Variants in ZC3H14 observed in about 807,000 individuals in gnomAD.
ZC3H14 encodes the protein zinc finger CCCH-type containing 14, also known as zinc finger CCCH domain-containing protein 14.
ZC3H14 carries 31 observed loss-of-function variants against 92.4 expected under a neutral mutation model. The observed-to-expected ratio is 0.34, with a 90% CI of 0.25 to 0.45. ZC3H14 has a LOEUF of 0.45. Among genes scored for constraint, ZC3H14 ranks in the 20% least tolerant of loss-of-function variants. The pLI is 1.00. For synonymous variants in ZC3H14, 321 were observed against 300.9 expected (o/e 1.07, Z -0.69); for missense variants, 781 against 897.3 (o/e 0.87, Z 1.66).
chr14:88,600,977 GTCTC>G (rs1407649137), intron 10 of ZC3H14, among the ~76,000 whole-genome samples: 16 of 152,072 alleles, frequency 1.1e-4, no homozygotes, highest in Admixed American at 9.8e-4. Flanking sequence ...GTTTCTCCGA[GTCTC>G]TCTCCTTGTT....
rs2088035593 is a variant in ZC3H14 at position 88,618,087 on chromosome 14, A to G, written c.*6336A>G. On this transcript the variant is annotated 3_prime_UTR_variant, in exon 17 of 17. Coordinates refer to ENST00000251038, the MANE Select transcript of ZC3H14 (RefSeq NM_024824.5). The stretch of plus-strand genomic sequence containing the variant: ...TCAATAAAAAGGGGTCCCAACATGA[A>G]CATACCATTTCAAAATATGGTAACA... 5.2e-6 allele frequency: 3 copies of G among 578,848 alleles called. No homozygotes were observed. Among genetic ancestry groups the G allele is most frequent in the Admixed American group, 2.8e-5 (1 of 35,778 alleles). The allele number at this position is 578,848 out of a possible 1,614,324, so 35.9% of individuals were successfully genotyped here.
intron 9 of ZC3H14, chr14:88,592,415 C>T (rs1026611232): frequency 3.3e-5 from 5 of 151,592 alleles, no homozygotes; most frequent in African/African-American, 1.2e-4. Context: ...CAAATTCCAG[C>T]ACTTAGCATT....
intron 9 of ZC3H14, among the ~76,000 whole-genome samples, chr14:88,587,509 T>G (rs2082601318): frequency 6.6e-6 from 1 of 152,094 alleles, no homozygotes; most frequent in Admixed American, 6.6e-5. Context: ...CCACCTACAT[T>G]CTGTCCTGCC....
chr14:88,574,824 T>C lies in ZC3H14; in HGVS notation c.993T>C (p.Ser331=). The C allele has an allele frequency of 6.2e-7, 1 of 1,614,230 alleles. No individual in the cohort carries two copies. ...CTCGAACAGGAAGCATCTCCAGCAG[T>C]GTGTCTGTGCCTGCAAAGCCTGAAA... is the stretch of plus-strand genomic sequence containing the variant. The part of the protein sequence containing the change: ...YGSRTGSISS[S]VSVPAKPERR... Residue 331 remains serine (S), a synonymous_variant, in exon 7 of 17, where the codon AGT becomes AGC. Transcript: ENST00000251038.
rs537364100 is a variant in ZC3H14 at position 88,597,996 on chromosome 14, C to T, written c.1354+1188C>T. ...ATTCTATTAATTTTCTAAAAACATACTGATTTTGTGTACACAATACTCTTT... is the reference window on the plus strand; with the variant it reads ...ATTCTATTAATTTTCTAAAAACATATTGATTTTGTGTACACAATACTCTTT... On this transcript the variant is annotated intron_variant, in intron 10 of 16. Coordinates refer to ENST00000251038, the MANE Select transcript of ZC3H14 (RefSeq NM_024824.5). Among the ~76,000 whole-genome samples, 132 of 152,154 alleles carry T rather than the reference C, an allele frequency of 8.7e-4. 3 individuals are homozygous for T. In the Middle Eastern group the frequency reaches 0.02, roughly 24 times the overall value.
chr14:88,566,017 G>GC, intron 2 of ZC3H14, among the ~76,000 whole-genome samples: 2 of 13,396 alleles, frequency 1.5e-4, no homozygotes, highest in Non-Finnish European at 1.8e-4. Flanking sequence ...ACAGGCACCT[G>GC]CCACCACCCC....
intron 8 of ZC3H14, 36 bp from the exon 9 acceptor site, chr14:88,577,949 A>C (rs571014410): frequency 7.4e-6 from 12 of 1,613,234 alleles, no homozygotes; most frequent in Non-Finnish European, 1.0e-5. Flanking sequence ...GTATTACTGC[A>C]TTTGTATTTC....
At chr14:88,574,338 C>T (rs1404934802) in intron 6 of ZC3H14, 12 of 285,112 alleles carry the variant, frequency 4.2e-5, no homozygotes, top group Non-Finnish European at 7.4e-5. Flanking sequence ...CTCCACCTCC[C>T]GGGTTCAAGT....
chr14:88,583,455 AT>A (rs1026001277), intron 9 of ZC3H14, among the ~76,000 whole-genome samples: 8 of 152,094 alleles, frequency 5.3e-5, no homozygotes, highest in Non-Finnish European at 1.0e-4. Context: ...TATTTTAAAA[AT>A]TATTTACCTC....
intron 1 of ZC3H14, chr14:88,563,435 G>A: frequency 2.1e-6 from 3 of 1,433,078 alleles, no homozygotes; most frequent in Non-Finnish European, 2.7e-6. Flanking sequence ...GCACGGCGCC[G>A]CTTTGGATCC....
At position 88,622,913 on chromosome 14, in the gene ZC3H14, G is replaced by T; in HGVS notation, c.*11162G>T. 1.2e-5 allele frequency: 5 copies of T among 406,978 alleles called. No homozygotes were observed. Among genetic ancestry groups the T allele is most frequent in the South Asian group, 8.1e-5 (1 of 12,304 alleles). 25.2% of individuals were successfully genotyped at this position (406,978 alleles called of 1,614,324 possible). A position where few individuals can be genotyped will look rare whatever the true frequency, so the allele number is the denominator to read the frequency against. On this transcript the variant is annotated 3_prime_UTR_variant, in exon 17 of 17. Coordinates refer to ENST00000251038, the MANE Select transcript of ZC3H14 (RefSeq NM_024824.5). ...ATATCTCAGTCAAAATAAACATCCAGTTTCAGTGAATTTTATTTTGAGAAA... is the reference window on the plus strand; with the variant it reads ...ATATCTCAGTCAAAATAAACATCCATTTTCAGTGAATTTTATTTTGAGAAA...
intron 8 of ZC3H14, 52 bp downstream of exon 8, chr14:88,575,992 G>T: frequency 6.8e-7 from 1 of 1,460,534 alleles, no homozygotes; most frequent in South Asian, 1.1e-5. Context: ...TGTAATTCTT[G>T]AGTAAGGTGA....
chr14:88,622,804 T>TA lies in ZC3H14; in HGVS notation c.*11053_*11054insA. On this transcript the variant is annotated 3_prime_UTR_variant, in exon 17 of 17. Transcript: ENST00000251038. Reference sequence around the variant, plus strand: ...AACAAATACCAAGTTATAAGCAGAATCTTTTTTTTTTAAAAAGGCCCTGAT... The same window carrying TA: ...AACAAATACCAAGTTATAAGCAGAATACTTTTTTTTTTAAAAAGGCCCTGAT... 4.3e-6 allele frequency: 3 copies of TA among 691,048 alleles called. No homozygotes were observed. The highest frequency in any genetic ancestry group is 6.0e-6 in the Non-Finnish European group (3 of 503,906). 42.8% of individuals were successfully genotyped at this position (691,048 alleles called of 1,614,324 possible).
Position 88,616,359 on chromosome 14 carries a change from G to A in ZC3H14, c.*4608G>A, listed in dbSNP as rs554135365. ...GTGGAGAGAGTAGGGAGTTAGCACC[G>A]CAGCCAGTGATTAGAATGCTTTTCA... is the stretch of plus-strand genomic sequence containing the variant. On this transcript the variant is annotated 3_prime_UTR_variant, in exon 17 of 17. Transcript: ENST00000251038. 49 of 974,778 alleles carry A rather than the reference G, an allele frequency of 5.0e-5. No individual in the cohort carries two copies. In the Admixed American group the frequency reaches 5.9e-4, roughly 12 times the overall value. 60.4% of individuals were successfully genotyped at this position (974,778 alleles called of 1,614,324 possible).
At chr14:88,594,682 G>A in intron 9 of ZC3H14, 1 of 1,612,840 alleles carries the variant, frequency 6.2e-7, no homozygotes, top group Non-Finnish European at 8.5e-7. Flanking sequence ...CAGATTTTAA[G>A]GGAGAGAATT....
chr14:88,563,775 G>A, intron 2 of ZC3H14, 82 bp downstream of exon 2: 12 of 1,351,036 alleles, frequency 8.9e-6, no homozygotes, highest in South Asian at 3.5e-5. Context: ...ATTTCTCACC[G>A]TACTTTGGAC....
rs1418848254 is a variant in ZC3H14, at chr14:88,625,932, AAGGAAAG to A, written c.*14184_*14190del. The stretch of plus-strand genomic sequence containing the variant: ...ACAGCCTAGCCAATGCAGGATATTA[AAGGAAAG>A]AGATGTGGATTGGAAGCCACAGGTC... On this transcript the variant is annotated 3_prime_UTR_variant, in exon 17 of 17. Transcript: ENST00000251038. 1 of 152,198 alleles carries A rather than the reference AAGGAAAG, an allele frequency of 6.6e-6. No individual in the cohort carries two copies. The highest frequency in any genetic ancestry group is 1.5e-5 in the Non-Finnish European group (1 of 68,028). 9.4% of individuals were successfully genotyped at this position (152,198 alleles called of 1,614,324 possible).
chr14:88,605,091 TG>T (rs2085177840), intron 12 of ZC3H14, among the ~76,000 whole-genome samples: 1 of 150,708 alleles, frequency 6.6e-6, no homozygotes. Flanking sequence ...ATATTGTTCC[TG>T]AGTATCTAGC....
Position 88,615,563 on chromosome 14 carries a change from A to G in ZC3H14, c.*3812A>G. ...ATCACACACTTCCCAATACAGGGGG[A>G]CTTGGCCTTTACCATCAAGTATTCG... On this transcript the variant is annotated 3_prime_UTR_variant, in exon 17 of 17. Coordinates refer to ENST00000251038, the MANE Select transcript of ZC3H14 (RefSeq NM_024824.5). 1 of 420,648 alleles carries G rather than the reference A, an allele frequency of 2.4e-6. No individual in the cohort carries two copies. The highest frequency in any genetic ancestry group is 4.2e-6 in the Non-Finnish European group (1 of 238,398). 26.1% of individuals were successfully genotyped at this position (420,648 alleles called of 1,614,324 possible).
Sources: gnomAD v4.1 joint callset for allele counts (sites outside exome capture counted in the v4.1 genomes callset) on GRCh38, gnomAD v4.1.1 for gene constraint, MANE v1.5 for transcripts, NCBI Gene and HGNC (gene_info 2026-07-23, HGNC 2026-07-21) for gene names.